The following PARVA variants were observed in gnomAD, a reference collection of about 807,000 sequenced individuals.
PARVA encodes the protein alpha-parvin.
In PARVA, 25 loss-of-function variants were observed where a neutral mutation model predicts 52.6. That is an observed-to-expected ratio of 0.48 (90% CI 0.35 to 0.66). The LOEUF is 0.66. PARVA is among the 30% of genes least tolerant of loss of function. The pLI is 0.01. For missense variants in PARVA, 373 were observed against 450.9 expected (o/e 0.83, Z 1.56); for synonymous variants, 185 against 179.1 (o/e 1.03, Z -0.26).
intron 1 of PARVA, among the ~76,000 whole-genome samples, chr11:12,383,042 T>C (rs777464458): frequency 1.4e-4 from 22 of 152,352 alleles, no homozygotes; most frequent in Non-Finnish European, 3.2e-4. Flanking sequence ...GACACTATTT[T>C]GTCCCTTTAG....
At position 12,528,114 on chromosome 11, in the gene PARVA, T is replaced by C; in HGVS notation, c.*189T>C. ...ATCAATAACTCAGTGGGCTGACCCATCCCTCCCAGGCGCTGGGGACCAACC... is the reference window on the plus strand; with the variant it reads ...ATCAATAACTCAGTGGGCTGACCCACCCCTCCCAGGCGCTGGGGACCAACC... On this transcript the variant is annotated 3_prime_UTR_variant, in exon 13 of 13. Transcript: ENST00000334956. The C allele has an allele frequency of 1.7e-6, 1 of 585,204 alleles. No individual in the cohort carries two copies. The highest frequency in any genetic ancestry group is 3.1e-6 in the Non-Finnish European group (1 of 325,040). The allele number at this position is 585,204 out of a possible 1,614,324, so 36.3% of individuals were successfully genotyped here. A position where few individuals can be genotyped will look rare whatever the true frequency, so the allele number is the denominator to read the frequency against.
intron 4 of PARVA, among the ~76,000 whole-genome samples, chr11:12,491,025 G>A (rs577109019): frequency 1.3e-5 from 2 of 152,234 alleles, no homozygotes; most frequent in East Asian, 3.9e-4. Context: ...AAACAAGGCT[G>A]GAAGTGGGAG....
At chr11:12,465,544 G>C (rs926354702) in intron 1 of PARVA, among the ~76,000 whole-genome samples, 17 of 152,120 alleles carry the variant, frequency 1.1e-4, no homozygotes, top group African/African-American at 4.1e-4. Flanking sequence ...TGCCTATTCA[G>C]CATTTTCCCC....
At chr11:12,407,638 C>T (rs1939931945) in intron 1 of PARVA, among the ~76,000 whole-genome samples, 1 of 152,212 alleles carries the variant, frequency 6.6e-6, no homozygotes, top group South Asian at 2.1e-4. Context: ...TTCTCACACC[C>T]TCCTAAATGT....
intron 1 of PARVA, among the ~76,000 whole-genome samples, chr11:12,405,080 GTC>G (rs1420400588): frequency 6.6e-6 from 1 of 152,096 alleles, no homozygotes; most frequent in Non-Finnish European, 1.5e-5. Flanking sequence ...GATAATAAAA[GTC>G]TCTGCCTGAC....
At chr11:12,465,464 T>C (rs1940842563) in intron 1 of PARVA, among the ~76,000 whole-genome samples, 1 of 152,268 alleles carries the variant, frequency 6.6e-6, no homozygotes, top group Non-Finnish European at 1.5e-5. Context: ...TCTTATACTA[T>C]AAATATCATG....
In PARVA at chr11:12,525,923, G is replaced by A. The variant is rs143891864; in HGVS notation, c.1043-1926G>A. ...CAGGCAGGAGGGGCCTTGGGGTGGG[G>A]GGAACCTAAGGAGGTTCCCCCAAGC... is the stretch of plus-strand genomic sequence containing the variant. On this transcript the variant is annotated intron_variant, in intron 12 of 12. Coordinates refer to ENST00000334956, the MANE Select transcript of PARVA (RefSeq NM_018222.5). Among the ~76,000 whole-genome samples the A allele has an allele frequency of 4.4e-3, 665 of 152,078 alleles. 8 individuals carry two copies. The highest frequency in any genetic ancestry group is 0.012 in the African/African-American group (488 of 41,500).
At chr11:12,428,915 A>G (rs1940275793) in intron 1 of PARVA, among the ~76,000 whole-genome samples, 2 of 152,170 alleles carry the variant, frequency 1.3e-5, no homozygotes, top group African/African-American at 4.8e-5. Context: ...GGGAAGGGTA[A>G]ATTGTGTGGG....
intron 1 of PARVA, among the ~76,000 whole-genome samples, chr11:12,400,750 C>T (rs1484094584): frequency 2.6e-5 from 4 of 152,108 alleles, no homozygotes; most frequent in African/African-American, 9.7e-5. Flanking sequence ...AACTGTTTTG[C>T]ATCCAGTGGA....
intron 1 of PARVA, among the ~76,000 whole-genome samples, chr11:12,383,385 C>T (rs139830431): frequency 3.9e-5 from 6 of 152,340 alleles, no homozygotes; most frequent in African/African-American, 1.4e-4. Context: ...AGGCCAGCAG[C>T]ACTGGTCATT....
rs148818292 is a variant in PARVA, at chr11:12,446,420, T to G, written c.137-27325T>G. Among the ~76,000 whole-genome samples, 1,259 of 152,304 alleles carry G rather than the reference T, an allele frequency of 8.3e-3. 16 individuals carry two copies. The highest frequency in any genetic ancestry group is 0.028 in the African/African-American group (1,170 of 41,538). On this transcript the variant is annotated intron_variant, in intron 1 of 12. Transcript: ENST00000334956. ...AGGCATTATAATTTTTTTTCCTTCC[T>G]AGAGAACAGTGTGATGATATGCAAA... is the stretch of plus-strand genomic sequence containing the variant.
intron 10 of PARVA, among the ~76,000 whole-genome samples, chr11:12,517,312 C>CACCCCCA (rs1323302189): frequency 7.6e-6 from 1 of 131,260 alleles, no homozygotes; most frequent in East Asian, 2.7e-4. Context: ...GACCACCCCC[C>CACCCCCA]ACCCCCCACC....
At chr11:12,428,992 G>GT (rs1325298529) in intron 1 of PARVA, among the ~76,000 whole-genome samples, 4 of 152,058 alleles carry the variant, frequency 2.6e-5, no homozygotes, top group Non-Finnish European at 4.4e-5. Context: ...TGTTTGTTTT[G>GT]TTTGAGACAC....
chr11:12,448,214 C>T (rs947066059), intron 1 of PARVA, among the ~76,000 whole-genome samples: 9 of 152,072 alleles, frequency 5.9e-5, no homozygotes, highest in East Asian at 1.9e-4. Flanking sequence ...ATGAGGAAGG[C>T]GGGGGGTCAT....
intron 1 of PARVA, among the ~76,000 whole-genome samples, chr11:12,413,324 A>T (rs1041612508): frequency 6.6e-6 from 1 of 152,234 alleles, no homozygotes; most frequent in Non-Finnish European, 1.5e-5. Flanking sequence ...AATAGTTGCC[A>T]ATCTTAAAAC....
chr11:12,434,896 G>A (rs959961717), intron 1 of PARVA, among the ~76,000 whole-genome samples: 1 of 152,076 alleles, frequency 6.6e-6, no homozygotes, highest in African/African-American at 2.4e-5. Context: ...CTGCCTAAGT[G>A]ACTTGGTTAC....
upstream of PARVA, chr11:12,377,299 G>A (rs1452420645): frequency 4.5e-6 from 3 of 660,038 alleles, no homozygotes; most frequent in Non-Finnish European, 6.8e-6. Context: ...TGTGTGGTGG[G>A]GACAGAGCCT....
At chr11:12,417,523 G>C (rs1366676903) in intron 1 of PARVA, among the ~76,000 whole-genome samples, 1 of 152,100 alleles carries the variant, frequency 6.6e-6, no homozygotes, top group Non-Finnish European at 1.5e-5. Flanking sequence ...CTGGAAGGTA[G>C]GATTTGGAGT....
intron 1 of PARVA, among the ~76,000 whole-genome samples, chr11:12,453,913 T>G (rs76551048): frequency 0.081 from 12,278 of 152,218 alleles, 526 homozygotes; most frequent in Middle Eastern, 0.14. Context: ...AGACGTATTG[T>G]GGGGGACACA....
Sources: allele counts gnomAD v4.1 joint callset (sites outside exome capture counted in the v4.1 genomes callset), GRCh38; gene constraint gnomAD v4.1.1; transcripts MANE v1.5; gene names NCBI Gene and HGNC (gene_info 2026-07-23, HGNC 2026-07-21).